Variants in SLF2 observed in about 807,000 individuals in gnomAD.
SLF2 encodes SMC5-SMC6 complex localization factor protein 2.
SLF2 carries 68 observed loss-of-function variants against 124.3 expected under a neutral mutation model. That is an observed-to-expected ratio of 0.55 (90% confidence interval 0.45 to 0.67). SLF2 has a LOEUF of 0.67. Among genes scored for constraint, SLF2 ranks in the 30% least tolerant of loss-of-function variants. The probability of loss-of-function intolerance (pLI) is 0.00; values close to 1 mark genes in which losing one functional copy is unlikely to be tolerated. For synonymous variants in SLF2, 480 were observed against 478.8 expected (o/e 1.00, Z -0.03); for missense variants, 1,246 against 1,373.7 (o/e 0.91, Z 1.47).
intron 10 of SLF2, among the ~76,000 whole-genome samples, chr10:100,938,105 T>C (rs1372346242): frequency 6.6e-6 from 1 of 152,224 alleles, no homozygotes; most frequent in Non-Finnish European, 1.5e-5. Flanking sequence ...AATTGGCTTA[T>C]TGGTAAGCAA....
At chr10:100,919,098 G>A (rs1406765332) in intron 4 of SLF2, among the ~76,000 whole-genome samples, 3 of 136,790 alleles carry the variant, frequency 2.2e-5, no homozygotes, top group East Asian at 2.6e-4. Flanking sequence ...TGCAAGCTCC[G>A]CCTCCCGGGT....
At chr10:100,932,879 G>C (rs940321091) in intron 9 of SLF2, among the ~76,000 whole-genome samples, 11 of 152,058 alleles carry the variant, frequency 7.2e-5, no homozygotes, top group African/African-American at 2.7e-4. Context: ...GTTAAGGTAA[G>C]ATCCAAGTAA....
In SLF2 at chr10:100,916,957, G is replaced by T. The variant is rs1483043552; in HGVS notation, c.572G>T (p.Gly191Val). Reference sequence around the variant, plus strand: ...AATGAGAAGAATGATAGAGATCGAGGCAAAACCAATGCAGACTCCAAAAAG... The same window carrying T: ...AATGAGAAGAATGATAGAGATCGAGTCAAAACCAATGCAGACTCCAAAAAG... The part of the protein sequence containing the change: ...ENNEKNDRDR[G>V]KTNADSKKQT... The change falls in exon 3 of 20, where the codon GGC becomes GTC. Residue 191 changes from glycine (G) to valine (V), a missense_variant. This residue lies in a region of SLF2 where 698 missense variants were observed against 708.9 expected (regional missense o/e 0.98). Transcript: ENST00000238961. The T allele has an allele frequency of 6.2e-7, 1 of 1,614,140 alleles. No individual in the cohort carries two copies. The highest frequency in any genetic ancestry group is 8.5e-7 in the Non-Finnish European group (1 of 1,180,026).
chr10:100,934,597 A>T (rs1478199188), intron 9 of SLF2, among the ~76,000 whole-genome samples: 1 of 151,524 alleles, frequency 6.6e-6, no homozygotes, highest in Non-Finnish European at 1.5e-5. Flanking sequence ...TTTTTATTTT[A>T]TTTTATTTTA....
intron 11 of SLF2, 145 bp downstream of exon 11, chr10:100,938,881 ATGTCT>A: frequency 1.4e-6 from 1 of 702,158 alleles, no homozygotes; most frequent in Admixed American, 3.5e-5. Context: ...CATTTTTAAC[ATGTCT>A]TAATCTAAAA....
intron 8 of SLF2, among the ~76,000 whole-genome samples, chr10:100,930,361 C>T (rs1006057692): frequency 2.0e-5 from 3 of 152,188 alleles, no homozygotes; most frequent in Admixed American, 1.3e-4. Context: ...TAGCACCTAG[C>T]TTCGGGTGCT....
intron 4 of SLF2, among the ~76,000 whole-genome samples, chr10:100,921,381 C>G (rs1403841243): frequency 2.0e-5 from 3 of 152,132 alleles, no homozygotes; most frequent in African/African-American, 7.2e-5. Context: ...CATGCCCAGC[C>G]TCCTTTTTTT....
rs1413820808 is a variant in SLF2, at chr10:100,963,947, A to G, written c.*2035A>G. ...AAAAAAAATACTTCATGGTCCCTCT[A>G]AAATAAATGGCCAGACCTCAGTTTA... On this transcript the variant is annotated 3_prime_UTR_variant, in exon 20 of 20. Coordinates refer to ENST00000238961, the MANE Select transcript of SLF2 (RefSeq NM_018121.4). The G allele has an allele frequency of 6.6e-6, 1 of 152,654 alleles. No homozygotes were observed. The highest frequency in any genetic ancestry group is 2.4e-5 in the African/African-American group (1 of 41,450). The allele number at this position is 152,654 out of a possible 1,614,324, so 9.5% of individuals were successfully genotyped here. A position where few individuals can be genotyped will look rare whatever the true frequency, so the allele number is the denominator to read the frequency against.
At position 100,924,845 on chromosome 10, in the gene SLF2, A is replaced by G. The variant is rs1849585006; in HGVS notation, c.1844A>G (p.Asp615Gly). The change falls in exon 5 of 20, where the codon GAT becomes GGT. Residue 615 changes from aspartate (D) to glycine (G), a missense_variant. Asp to Gly is a moderately conservative substitution (Grantham distance 94). This residue lies in a region of SLF2 where 13 missense variants were observed against 32.0 expected (regional missense o/e 0.41). Coordinates refer to ENST00000238961, the MANE Select transcript of SLF2 (RefSeq NM_018121.4). ...AGTTTAGGTTACAACCTAGACAGTG[A>G]TGAGGAAGAGGAAACATTAAAGTCA... ...EESLGYNLDS[D>G]EEEETLKSLE... 1 of 1,614,110 alleles carries G rather than the reference A, an allele frequency of 6.2e-7. No individual in the cohort carries two copies. The highest frequency in any genetic ancestry group is 8.5e-7 in the Non-Finnish European group (1 of 1,180,040).
At position 100,956,484 on chromosome 10, in the gene SLF2, A is replaced by G; in HGVS notation, c.3364A>G (p.Lys1122Glu). The change falls in exon 18 of 20, where the codon AAG becomes GAG. Residue 1122 changes from lysine (K) to glutamate (E), a missense_variant. This residue lies in a region of SLF2 where 535 missense variants were observed against 632.8 expected (regional missense o/e 0.85). Coordinates refer to ENST00000238961, the MANE Select transcript of SLF2 (RefSeq NM_018121.4). Reference protein sequence around the residue: ...HFVLLCGALEKHVKCDIREDA... With the variant: ...HFVLLCGALEEHVKCDIREDA... ...TGTGCTACTCTGTGGGGCTTTGGAAAAGCATGTTAAATGTGATATTAGGGA... is the reference window on the plus strand; with the variant it reads ...TGTGCTACTCTGTGGGGCTTTGGAAGAGCATGTTAAATGTGATATTAGGGA... 2 of 1,613,660 alleles carry G rather than the reference A, an allele frequency of 1.2e-6. No homozygotes were observed. Among genetic ancestry groups the G allele is most frequent in the Non-Finnish European group, 8.5e-7 (1 of 1,179,856 alleles).
At position 100,924,177 on chromosome 10, in the gene SLF2, A is replaced by T. The variant is rs377445118; in HGVS notation, c.1176A>T (p.Ile392=). The T allele has an allele frequency of 6.2e-7, 1 of 1,613,978 alleles. No homozygotes were observed. Among genetic ancestry groups the T allele is most frequent in the African/African-American group, 1.3e-5 (1 of 74,932 alleles). Residue 392 remains isoleucine, a synonymous_variant, in exon 5 of 20, where the codon ATA becomes ATT. Transcript: ENST00000238961. ...GTGATGTGTTGCGCTTAGAAGATAT[A>T]TCCAAGGAACCGAGTGATGAAACTG... ...TPGDVLRLED[I]SKEPSDETDG...
At chr10:100,948,857 G>A (rs1476476401) in intron 15 of SLF2, among the ~76,000 whole-genome samples, 1 of 152,200 alleles carries the variant, frequency 6.6e-6, no homozygotes, top group African/African-American at 2.4e-5. Context: ...CCGCACTCCA[G>A]CCTGGGCAAC....
intron 12 of SLF2, among the ~76,000 whole-genome samples, chr10:100,944,826 AC>A (rs1850069127): frequency 6.6e-6 from 1 of 152,152 alleles, no homozygotes; most frequent in Non-Finnish European, 1.5e-5. Flanking sequence ...GGAGCTCAAG[AC>A]CAGCTTGGCC....
chr10:100,932,698 T>G (rs1461393415), intron 9 of SLF2, among the ~76,000 whole-genome samples: 1 of 83,024 alleles, frequency 1.2e-5, no homozygotes, highest in Non-Finnish European at 2.5e-5. Flanking sequence ...AATAAGTGTG[T>G]GTGTGTGTGT....
rs1388428944 is a variant in SLF2, at chr10:100,947,120, TG to T, written c.3018del (p.Trp1006Ter). ...LLWLVQLVPN[W>X]TSRGRQLRQC... The stretch of plus-strand genomic sequence containing the variant: ...GTGGTTGGTACAGCTGGTCCCTAAT[TG>T]GACATCACGTGGAAGGTATTAAAAA... On this transcript the variant is annotated frameshift_variant, in exon 14 of 20. Transcript: ENST00000238961. LOFTEE classifies it high-confidence loss of function. The T allele has an allele frequency of 6.3e-7, 1 of 1,578,834 alleles. No individual in the cohort carries two copies. The highest frequency in any genetic ancestry group is 8.6e-7 in the Non-Finnish European group (1 of 1,166,308).
chr10:100,941,859 A>G (rs550369382), intron 11 of SLF2, among the ~76,000 whole-genome samples: 1 of 152,284 alleles, frequency 6.6e-6, no homozygotes, highest in East Asian at 1.9e-4. Context: ...AACTTGCCCA[A>G]GGTTATACAA....
chr10:100,959,324 A>T, intron 18 of SLF2, 104 bp from the exon 19 acceptor site: 1 of 938,370 alleles, frequency 1.1e-6, no homozygotes, highest in Non-Finnish European at 1.5e-6. Flanking sequence ...TGAGTTGTTG[A>T]GTGTGGGCCT....
rs139164915 is a variant in SLF2, at chr10:100,931,023, C to T, written c.2381C>T (p.Thr794Met). ...TTTTTGACAACACAAGGTTTCCTTACGTCTGCTTATCACTATGTCCAGTGT... is the reference window on the plus strand; with the variant it reads ...TTTTTGACAACACAAGGTTTCCTTATGTCTGCTTATCACTATGTCCAGTGT... Reference protein sequence around the residue: ...QIFLTTQGFLTSAYHYVQCPV... With the variant: ...QIFLTTQGFLMSAYHYVQCPV... The change falls in exon 9 of 20, where the codon ACG becomes ATG. Residue 794 changes from threonine to methionine, a missense_variant. By Grantham distance (81) the Thr-to-Met change is moderately conservative. Coordinates refer to ENST00000238961, the MANE Select transcript of SLF2 (RefSeq NM_018121.4). 68 of 1,613,902 alleles carry T rather than the reference C, an allele frequency of 4.2e-5. No homozygotes were observed. Among genetic ancestry groups the T allele is most frequent in the Middle Eastern group, 1.6e-4 (1 of 6,084 alleles).
At chr10:100,930,926 T>G in intron 8 of SLF2, 50 bp from the exon 9 acceptor site, 1 of 1,357,290 alleles carries the variant, frequency 7.4e-7, no homozygotes, top group Non-Finnish European at 1.1e-6. Flanking sequence ...ATAGTAGAAG[T>G]ATTTTGCCAT....
Sources: allele counts gnomAD v4.1 joint callset (sites outside exome capture counted in the v4.1 genomes callset), GRCh38; gene constraint gnomAD v4.1.1; regional missense constraint gnomAD v4.1.1; transcripts MANE v1.5; gene names NCBI Gene and HGNC (gene_info 2026-07-23, HGNC 2026-07-21).